The following PCNT variants were observed in gnomAD, a reference collection of about 807,000 sequenced individuals.
PCNT encodes pericentrin, also known as kendrin.
PCNT carries 319 observed loss-of-function variants against 380.4 expected under a neutral mutation model. The ratio of observed to expected loss-of-function variants is 0.84; its 90% CI spans 0.77 to 0.92. The LOEUF (loss-of-function observed/expected upper bound fraction) is 0.92. Ranked by LOEUF, PCNT falls within the 40% of genes least tolerant of loss-of-function variation. PCNT has a pLI of 0.00. For synonymous variants in PCNT, 1,845 were observed against 1,735.2 expected (o/e 1.06, Z -1.57); for missense variants, 4,400 against 4,255.3 (o/e 1.03, Z -0.95).
Position 46,357,042 on chromosome 21 carries a change from A to G in PCNT, c.2005A>G (p.Arg669Gly). 6.2e-7 allele frequency: 1 copy of G among 1,614,256 alleles called. No individual in the cohort carries two copies. The highest frequency in any genetic ancestry group is 8.5e-7 in the Non-Finnish European group (1 of 1,180,052). The change falls in exon 13 of 47, where the codon AGA (arginine) becomes GGA (glycine). Residue 669 changes from arginine to glycine, a missense_variant. Transcript: ENST00000359568. Reference sequence around the variant, plus strand: ...GGAGGCCGACACAGAGCGGGCAGCCAGAGTCTTGGGTCTGGAAACTGAGCA... The same window carrying G: ...GGAGGCCGACACAGAGCGGGCAGCCGGAGTCTTGGGTCTGGAAACTGAGCA... ...DLEADTERAA[R>G]VLGLETEHKV... is the part of the protein sequence containing the mutation.
Position 46,427,627 on chromosome 21 carries a change from G to A in PCNT, c.7326G>A (p.Val2442=). 1 of 1,613,958 alleles carries A rather than the reference G, an allele frequency of 6.2e-7. No individual in the cohort carries two copies. The highest frequency in any genetic ancestry group is 8.5e-7 in the Non-Finnish European group (1 of 1,180,026). ...TTTCTTCCTTCTTCCTTTAGGAAGTGCCCACCGCGTGCCCCGATTGGAGAG... is the reference window on the plus strand; with the variant it reads ...TTTCTTCCTTCTTCCTTTAGGAAGTACCCACCGCGTGCCCCGATTGGAGAG... ...ISLHGGKTQE[V]PTACPDWRGD... Residue 2442 remains valine (V), a synonymous_variant, in exon 34 of 47, where the codon GTG becomes GTA. Coordinates refer to ENST00000359568, the MANE Select transcript of PCNT (RefSeq NM_006031.6).
rs1188621423 is a variant in PCNT at position 46,356,978 on chromosome 21, T to C, written c.1941T>C (p.Leu647=). The C allele has an allele frequency of 1.9e-6, 3 of 1,613,496 alleles. No homozygotes were observed. The highest frequency in any genetic ancestry group is 2.5e-6 in the Non-Finnish European group (3 of 1,179,750). The change falls in exon 13 of 47, where the codon CTT becomes CTC. Residue 647 remains leucine, a synonymous_variant. Coordinates refer to ENST00000359568, the MANE Select transcript of PCNT (RefSeq NM_006031.6). The part of the protein sequence containing the change: ...LEPSEGHSQE[L]PWVHLQGVQD... ...CCCTGCTCCTTTTCCACACAGAGCT[T>C]CCCTGGGTGCATCTCCAGGGTGTGC...
chr21:46,360,674 A>G (rs906774459), intron 13 of PCNT, among the ~76,000 whole-genome samples: 13 of 151,636 alleles, frequency 8.6e-5, no homozygotes, highest in African/African-American at 2.4e-4. Flanking sequence ...GTCCGCCACC[A>G]CACCCAGCTA....
Position 46,415,135 on chromosome 21 carries a change from T to C in PCNT, c.6151-934T>C, listed in dbSNP as rs536490547. The stretch of plus-strand genomic sequence containing the variant: ...TTCTTGCATGAGTGCAGGTGCCGCC[T>C]GTTCCTGGGTCCACACTGCGTGCAC... On this transcript the variant is annotated intron_variant, in intron 29 of 46. Transcript: ENST00000359568. Among the ~76,000 whole-genome samples, 24 of 152,346 alleles carry C rather than the reference T, an allele frequency of 1.6e-4. 1 individual carries two copies. The South Asian group carries it at 5.0e-3, about 32-fold the overall frequency.
At position 46,376,062 on chromosome 21, in the gene PCNT, G is replaced by A. The variant is rs554146592; in HGVS notation, c.3166-5632G>A. ...CGTGCAGTGTTGGCACTCCCTGGCT[G>A]GGGTTCTCTGTGGAGCCTGCCCTCT... On this transcript the variant is annotated intron_variant, in intron 15 of 46. Coordinates refer to ENST00000359568, the MANE Select transcript of PCNT (RefSeq NM_006031.6). Among the ~76,000 whole-genome samples, 5 of 152,294 alleles carry A rather than the reference G, an allele frequency of 3.3e-5. No homozygotes were observed. In the South Asian group the frequency reaches 8.3e-4, roughly 25 times the overall value.
Position 46,416,362 on chromosome 21 carries a change from C to CG in PCNT, c.6445dup (p.Ala2149GlyfsTer3). The stretch of plus-strand genomic sequence containing the variant: ...ATGTTATCAAAAATCAGGCCATAGA[C>CG]GCGTGTGATGCCAATACAACCCCAG... On this transcript the variant is annotated frameshift_variant, in exon 30 of 47. Transcript: ENST00000359568. LOFTEE classifies it high-confidence loss of function. 1 of 1,614,078 alleles carries CG rather than the reference C, an allele frequency of 6.2e-7. No individual in the cohort carries two copies. Among genetic ancestry groups the CG allele is most frequent in the Non-Finnish European group, 8.5e-7 (1 of 1,179,986 alleles).
At chr21:46,424,539 T>C (rs2087406614) in intron 32 of PCNT, among the ~76,000 whole-genome samples, 1 of 152,242 alleles carries the variant, frequency 6.6e-6, no homozygotes, top group Non-Finnish European at 1.5e-5. Context: ...GCCCAGGGCC[T>C]CTGCATCTCT....
intron 11 of PCNT, among the ~76,000 whole-genome samples, chr21:46,354,363 T>C (rs1184000324): frequency 6.6e-6 from 1 of 152,250 alleles, no homozygotes; most frequent in Non-Finnish European, 1.5e-5. Flanking sequence ...GACTTGACAG[T>C]GGCAGTTCAA....
chr21:46,335,544 T>C (rs1002573205), intron 3 of PCNT, among the ~76,000 whole-genome samples: 14 of 151,522 alleles, frequency 9.2e-5, no homozygotes, highest in Admixed American at 9.2e-4. Context: ...AATACAAAAT[T>C]AGCTGGGTGC....
chr21:46,392,529 T>C (rs1321718063), intron 21 of PCNT, among the ~76,000 whole-genome samples: 1 of 152,238 alleles, frequency 6.6e-6, no homozygotes, highest in Admixed American at 6.5e-5. Context: ...CCAGCTCCTA[T>C]GGTTTCTCAC....
Position 46,421,962 on chromosome 21 carries a change from GT to G in PCNT, c.7025-3del. 2 of 1,613,964 alleles carry G rather than the reference GT, an allele frequency of 1.2e-6. No individual in the cohort carries two copies. The highest frequency in any genetic ancestry group is 1.7e-6 in the Non-Finnish European group (2 of 1,179,866). On this transcript the variant is annotated splice_polypyrimidine_tract_variant and splice_region_variant and intron_variant, in intron 31 of 46. Transcript: ENST00000359568. The stretch of plus-strand genomic sequence containing the variant: ...GTGGGTGGGACCCTGACCCTGTGGT[GT>G]TTTTAGGTGACGGCTCGGGTTTTGG...
chr21:46,347,288 G>A (rs1270053108), intron 5 of PCNT, among the ~76,000 whole-genome samples, 169 bp from the exon 6 acceptor site: 1 of 152,184 alleles, frequency 6.6e-6, no homozygotes, highest in East Asian at 1.9e-4. Context: ...GGAAGTCACG[G>A]TGTCCTCAGT....
At chr21:46,421,892 G>C in intron 31 of PCNT, 78 bp from the exon 32 acceptor site, 3 of 1,539,566 alleles carry the variant, frequency 1.9e-6, no homozygotes, top group Non-Finnish European at 2.7e-6. Context: ...GATCACCCCT[G>C]TCCTGCCTCT....
rs761605127 is a variant in PCNT at position 46,419,802 on chromosome 21, G to T, written c.7024+1496G>T. On this transcript the variant is annotated intron_variant, in intron 31 of 46. Coordinates refer to ENST00000359568, the MANE Select transcript of PCNT (RefSeq NM_006031.6). ...CTCACGCAGGCTGGAGTGCAGTGGC[G>T]TAGTCTCGACTCACTGCAGCCTCCA... 5.9e-5 allele frequency among the ~76,000 whole-genome samples: 9 copies of T among 151,996 alleles called. No homozygotes were observed. The East Asian group carries it at 9.7e-4, about 16-fold the overall frequency.
chr21:46,389,198 G>A lies in PCNT; in HGVS notation c.3608-1G>A, dbSNP rs1392602277. ...TGTGCCGGCATCTGCTCATCTTGTAGCTCCGGCGCTGGAGGAGACATGGTC... is the reference window on the plus strand; with the variant it reads ...TGTGCCGGCATCTGCTCATCTTGTAACTCCGGCGCTGGAGGAGACATGGTC... On this transcript the variant is annotated splice_acceptor_variant, in intron 18 of 46. Transcript: ENST00000359568. LOFTEE classifies it high-confidence loss of function. 1 of 1,613,816 alleles carries A rather than the reference G, an allele frequency of 6.2e-7. No homozygotes were observed. The highest frequency in any genetic ancestry group is 8.5e-7 in the Non-Finnish European group (1 of 1,179,728).
chr21:46,435,777 C>T, intron 38 of PCNT, 127 bp from the exon 39 acceptor site: 5 of 999,734 alleles, frequency 5.0e-6, no homozygotes, highest in Non-Finnish European at 7.7e-6. Flanking sequence ...CTCCTGACCT[C>T]ATGATCTGCC....
At chr21:46,336,215 G>A (rs556712067) in intron 3 of PCNT, among the ~76,000 whole-genome samples, 1 of 152,334 alleles carries the variant, frequency 6.6e-6, no homozygotes, top group African/African-American at 2.4e-5. Flanking sequence ...GACCTCAGGT[G>A]ATCCTCCTGC....
In PCNT at chr21:46,425,896, C is replaced by T. The variant is rs1203016848; in HGVS notation, c.7245C>T (p.Pro2415=). 1.2e-6 allele frequency: 2 copies of T among 1,613,920 alleles called. No homozygotes were observed. Among genetic ancestry groups the T allele is most frequent in the Admixed American group, 1.7e-5 (1 of 60,016 alleles). ...QILALSEGLA[P]PSGEPHPPRK... is the part of the protein sequence containing the mutation. ...TGGCGCTGTCAGAAGGCCTTGCACC[C>T]CCAAGCGGCGAGCCACACCCACCCC... The change falls in exon 33 of 47, where the codon CCC becomes CCT. Residue 2415 remains proline (P), a synonymous_variant. Transcript: ENST00000359568. The surrounding 1 kb of genome is among the most constrained non-coding windows in gnomAD (Gnocchi z 4.2).
At chr21:46,430,906 C>T (rs1306700875) in intron 37 of PCNT, 2 of 985,302 alleles carry the variant, frequency 2.0e-6, no homozygotes, top group Non-Finnish European at 2.4e-6. Flanking sequence ...CCCCCCCGTC[C>T]CTGAGCACTT....
Sources: allele counts gnomAD v4.1 joint callset (sites outside exome capture counted in the v4.1 genomes callset), GRCh38; gene constraint gnomAD v4.1.1; non-coding constraint Gnocchi (gnomAD v3.1); transcripts MANE v1.5; gene names NCBI Gene and HGNC (gene_info 2026-07-23, HGNC 2026-07-21).